Variants in PPFIA2 observed in about 807,000 individuals in gnomAD.
PPFIA2 encodes the protein liprin-alpha-2.
In PPFIA2, 46 loss-of-function variants were observed where a neutral mutation model predicts 175.5. That is an observed-to-expected ratio of 0.26 (90% CI 0.21 to 0.34). The LOEUF is 0.34. Among genes scored for constraint, PPFIA2 ranks in the 10% least tolerant of loss-of-function variants. The pLI, the probability that PPFIA2 is intolerant of heterozygous loss-of-function variation, is 1.00. For missense variants in PPFIA2, 1,179 were observed against 1,506.1 expected, an observed-to-expected ratio of 0.78 and a Z score of 3.60; for synonymous variants, 568 against 511.4, an observed-to-expected ratio of 1.11 and a Z score of -1.49.
intron 3 of PPFIA2, among the ~76,000 whole-genome samples, chr12:81,712,829 C>A (rs1457994892): frequency 1.3e-5 from 2 of 150,220 alleles, no homozygotes; most frequent in Admixed American, 1.4e-4. Context: ...GATTATGGAA[C>A]TGCCACCTCG....
intron 3 of PPFIA2, among the ~76,000 whole-genome samples, chr12:81,701,409 G>A (rs1006614438): frequency 6.6e-6 from 1 of 152,036 alleles, no homozygotes; most frequent in African/African-American, 2.4e-5. Flanking sequence ...CACAATGTTG[G>A]AACACTGTTA....
At chr12:81,262,466 C>G (rs956073442) in intron 31 of PPFIA2, among the ~76,000 whole-genome samples, 3 of 152,086 alleles carry the variant, frequency 2.0e-5, no homozygotes, top group Non-Finnish European at 4.4e-5. Context: ...AAATGTAGAT[C>G]AAGATCACAG....
At chr12:81,586,398 C>G (rs1169626347) in intron 4 of PPFIA2, among the ~76,000 whole-genome samples, 1 of 151,846 alleles carries the variant, frequency 6.6e-6, no homozygotes, top group African/African-American at 2.4e-5. Context: ...CCCAGTGATA[C>G]AAATTTCTTT....
intron 4 of PPFIA2, among the ~76,000 whole-genome samples, chr12:81,528,527 C>T (rs1024484585): frequency 3.3e-5 from 5 of 152,018 alleles, no homozygotes; most frequent in Non-Finnish European, 7.4e-5. Context: ...ACAGAATTGG[C>T]TTTCTATTCA....
rs550064664 is a variant in PPFIA2 at position 81,362,938 on chromosome 12, C to T, written c.1546-154G>A. ...AATAATAAAGCACGCCAAAATTTTC[C>T]CCTTGTAATAAAAAATGTGGATAGC... On this transcript the variant is annotated intron_variant, in intron 14 of 32. Transcript: ENST00000549396. Among the ~76,000 whole-genome samples the T allele has an allele frequency of 4.6e-5, 7 of 150,990 alleles. No individual in the cohort carries two copies. The East Asian group carries it at 7.8e-4, about 17-fold the overall frequency.
intron 24 of PPFIA2, among the ~76,000 whole-genome samples, chr12:81,291,416 A>T (rs1394987355): frequency 1.3e-5 from 2 of 151,956 alleles, no homozygotes; most frequent in African/African-American, 4.8e-5. Flanking sequence ...CCTGTACTAA[A>T]TCTACCAGTC....
At chr12:81,583,069 C>T (rs542598985) in intron 4 of PPFIA2, among the ~76,000 whole-genome samples, 5 of 152,016 alleles carry the variant, frequency 3.3e-5, no homozygotes, top group East Asian at 1.9e-4. Flanking sequence ...TCTGCCAATA[C>T]GTATTTCCAT....
At chr12:81,569,381 C>T (rs1055658599) in intron 4 of PPFIA2, among the ~76,000 whole-genome samples, 2 of 152,100 alleles carry the variant, frequency 1.3e-5, no homozygotes, top group Admixed American at 6.5e-5. Context: ...AAGTAATGTG[C>T]ATTTACTCCA....
chr12:81,299,641 A>T (rs1169177418), intron 22 of PPFIA2, among the ~76,000 whole-genome samples: 1 of 152,198 alleles, frequency 6.6e-6, no homozygotes, highest in Non-Finnish European at 1.5e-5. Context: ...TGCTAATGGA[A>T]TTAGAAGTGG....
intron 4 of PPFIA2, among the ~76,000 whole-genome samples, chr12:81,522,610 T>C (rs963753802): frequency 3.7e-4 from 56 of 152,206 alleles, no homozygotes; most frequent in Admixed American, 3.7e-3. Context: ...GCTGCAAATA[T>C]ATCTTTATAA....
rs533036607 is a variant in PPFIA2, at chr12:81,328,818, C to CTT, written c.2549-2950_2549-2949dup. On this transcript the variant is annotated intron_variant, in intron 21 of 32. Transcript: ENST00000549396. ...TTCTTTTTTCTTTTTTTCTTTCTTT[C>CTT]TTTTTTTTTTTTTTTTAAACAGGGT... 5.6e-3 allele frequency among the ~76,000 whole-genome samples: 754 copies of CTT among 134,652 alleles called. 12 individuals are homozygous for CTT. The highest frequency in any genetic ancestry group is 0.047 in the East Asian group (216 of 4,638). 88.3% of individuals were successfully genotyped at this position (134,652 alleles called of 152,430 possible). A position where few individuals can be genotyped will look rare whatever the true frequency, so the allele number is the denominator to read the frequency against.
chr12:81,685,446 T>C (rs1455855661), intron 3 of PPFIA2, among the ~76,000 whole-genome samples: 2 of 152,100 alleles, frequency 1.3e-5, no homozygotes, highest in Admixed American at 1.3e-4. Flanking sequence ...AATATCTCTT[T>C]CTTTACTTTG....
intron 4 of PPFIA2, among the ~76,000 whole-genome samples, chr12:81,649,477 G>T (rs2066677670): frequency 1.3e-5 from 2 of 152,248 alleles, no homozygotes; most frequent in South Asian, 4.1e-4. Flanking sequence ...GATGCCAAAT[G>T]ACATTTCATT....
intron 4 of PPFIA2, among the ~76,000 whole-genome samples, chr12:81,540,458 T>C (rs1379095628): frequency 6.6e-6 from 1 of 152,024 alleles, no homozygotes; most frequent in African/African-American, 2.4e-5. Context: ...TGGTCTCTTA[T>C]ATGGGAAAAT....
intron 4 of PPFIA2, among the ~76,000 whole-genome samples, chr12:81,515,624 C>G (rs2062331117): frequency 5.3e-5 from 8 of 152,196 alleles, no homozygotes; most frequent in Admixed American, 4.6e-4. Flanking sequence ...ACTACACCTT[C>G]TCAGTGAGTG....
chr12:81,339,320 G>C lies in PPFIA2; in HGVS notation c.2408C>G (p.Ser803Cys), dbSNP rs756591840. 2.5e-6 allele frequency: 4 copies of C among 1,591,506 alleles called. No individual in the cohort carries two copies. The South Asian group carries it at 3.4e-5, about 14-fold the overall frequency. ...HNDARSSLSV[S>C]LEPESLGLGS... ...AAGCCCGAGGCTTTCTGGCTCAAGA[G>C]AGACAGATAAACTACTGCAAAACAC... Residue 803 changes from serine (S) to cysteine (C), a missense_variant, in exon 21 of 33, where the codon TCT (serine) becomes TGT (cysteine). This residue lies in a region of PPFIA2 where 223 missense variants were observed against 241.6 expected (regional missense o/e 0.92). Transcript: ENST00000549396.
intron 4 of PPFIA2, among the ~76,000 whole-genome samples, chr12:81,610,138 C>T (rs2895889): frequency 0.094 from 14,312 of 152,088 alleles, 846 homozygotes; most frequent in South Asian, 0.16. Flanking sequence ...AGGTCTTTTG[C>T]TAGTCTGATA....
At chr12:81,328,722 T>G (rs1242841991) in intron 21 of PPFIA2, among the ~76,000 whole-genome samples, 3 of 152,132 alleles carry the variant, frequency 2.0e-5, no homozygotes, top group Non-Finnish European at 2.9e-5. Flanking sequence ...GGTATTATAA[T>G]GATTGGCACA....
rs574888415 is a variant in PPFIA2 at position 81,322,239 on chromosome 12, G to A, written c.2642+3538C>T. On this transcript the variant is annotated intron_variant, in intron 22 of 32. Transcript: ENST00000549396. ...GAAATACGTTCTTAAATATGAGGGC[G>A]AAAGGTATAAAAGAAAAAGAGTGAA... Among the ~76,000 whole-genome samples, 45 of 152,200 alleles carry A rather than the reference G, an allele frequency of 3.0e-4. No individual in the cohort carries two copies. In the Middle Eastern group the frequency reaches 0.014, roughly 46 times the overall value.
Sources: gnomAD v4.1 joint callset for allele counts (sites outside exome capture counted in the v4.1 genomes callset) on GRCh38, gnomAD v4.1.1 for gene constraint, gnomAD v4.1.1 regional missense constraint, MANE v1.5 for transcripts, NCBI Gene and HGNC (gene_info 2026-07-23, HGNC 2026-07-21) for gene names.